Variants in NOP58 observed in about 807,000 individuals in gnomAD.
NOP58 encodes NOP58 ribonucleoprotein.
A neutral mutation model predicts 71.2 loss-of-function variants in NOP58; 44 were observed. That is an observed-to-expected ratio of 0.62 (90% CI 0.49 to 0.79). The LOEUF (loss-of-function observed/expected upper bound fraction) is 0.79, where lower values mean the gene tolerates loss of function less well. Among genes scored for constraint, NOP58 ranks in the 30% least tolerant of loss-of-function variants. NOP58 has a pLI of 0.00. For synonymous variants in NOP58, 228 were observed against 200.3 expected, an observed-to-expected ratio of 1.14 and a Z score of -1.17; for missense variants, 538 against 620.2, an observed-to-expected ratio of 0.87 and a Z score of 1.41.
chr2:202,291,691 C>T (rs545342870), intron 8 of NOP58, among the ~76,000 whole-genome samples: 1 of 150,826 alleles, frequency 6.6e-6, no homozygotes, highest in Admixed American at 6.7e-5. Flanking sequence ...CCTGTAATCC[C>T]AGCTACTCGG....
chr2:202,280,326 G>T (rs374822051), intron 3 of NOP58, among the ~76,000 whole-genome samples: 2 of 151,654 alleles, frequency 1.3e-5, no homozygotes, highest in Non-Finnish European at 2.9e-5. Context: ...TCTCAAAAAA[G>T]ATTTTTTTTT....
intron 10 of NOP58, among the ~76,000 whole-genome samples, 173 bp from the exon 11 acceptor site, chr2:202,297,206 A>G (rs1689008211): frequency 6.6e-6 from 1 of 152,204 alleles, no homozygotes; most frequent in East Asian, 1.9e-4. Flanking sequence ...TTTCAGCCAC[A>G]GAAGTGTTGG....
rs777956207 is a variant in NOP58, at chr2:202,265,992, T to C, written c.45+6T>C. 6.2e-7 allele frequency: 1 copy of C among 1,609,344 alleles called. No individual in the cohort carries two copies. Among genetic ancestry groups the C allele is most frequent in the African/African-American group, 1.3e-5 (1 of 74,592 alleles). On this transcript the variant is annotated splice_donor_region_variant and intron_variant, in intron 1 of 14. Coordinates refer to ENST00000264279, the MANE Select transcript of NOP58 (RefSeq NM_015934.5). ...TGGGTTACGCCATCTTTAAGGTAGG[T>C]GGGAGAGCGAGCCGTTAAAGGGGGA... is the stretch of plus-strand genomic sequence containing the variant.
chr2:202,296,081 A>G (rs764237445), intron 10 of NOP58, among the ~76,000 whole-genome samples: 13 of 152,016 alleles, frequency 8.6e-5, no homozygotes, highest in Non-Finnish European at 1.5e-4. Context: ...CCCCCCTAGA[A>G]TCTCCCTGTG....
intron 5 of NOP58, among the ~76,000 whole-genome samples, chr2:202,286,367 T>C (rs1362864103): frequency 7.4e-6 from 1 of 134,586 alleles, no homozygotes; most frequent in African/African-American, 2.8e-5. Context: ...TAGCCAGGCA[T>C]GGTGGCGGGC....
chr2:202,302,633 A>G (rs575620596), intron 13 of NOP58, among the ~76,000 whole-genome samples: 2 of 152,326 alleles, frequency 1.3e-5, no homozygotes, highest in Admixed American at 6.5e-5. Flanking sequence ...CATTTCTAAT[A>G]TAATTGACTT....
chr2:202,275,554 C>A (rs751283578), intron 2 of NOP58: 1 of 164,042 alleles, frequency 6.1e-6, no homozygotes, highest in Non-Finnish European at 1.3e-5. Flanking sequence ...TTACCGCACA[C>A]AGGGGTTGTA....
At chr2:202,298,242 T>G (rs1312480397) in intron 12 of NOP58, among the ~76,000 whole-genome samples, 1 of 152,234 alleles carries the variant, frequency 6.6e-6, no homozygotes, top group Non-Finnish European at 1.5e-5. Context: ...GCCATTTAGT[T>G]TTCCGCATTA....
chr2:202,281,316 T>C (rs1688699588), intron 3 of NOP58, among the ~76,000 whole-genome samples: 1 of 151,776 alleles, frequency 6.6e-6, no homozygotes, highest in Non-Finnish European at 1.5e-5. Context: ...TAGTAGAGTG[T>C]TTCGTCATGT....
intron 9 of NOP58, among the ~76,000 whole-genome samples, chr2:202,295,468 G>T (rs1688973882): frequency 1.3e-5 from 2 of 152,106 alleles, no homozygotes; most frequent in Non-Finnish European, 2.9e-5. Flanking sequence ...TTTGTCCTAG[G>T]CATTCATTGC....
At chr2:202,295,643 G>A (rs764005837) in intron 9 of NOP58, 31 bp from the exon 10 acceptor site, 2 of 1,510,438 alleles carry the variant, frequency 1.3e-6, no homozygotes, top group Non-Finnish European at 1.8e-6. Context: ...ATATTTGGAG[G>A]TGCATTCTTT....
chr2:202,283,009 C>T (rs767925806), intron 4 of NOP58, among the ~76,000 whole-genome samples: 35 of 152,076 alleles, frequency 2.3e-4, no homozygotes, highest in Admixed American at 3.9e-4. Flanking sequence ...GTCAGCAGAT[C>T]GAGACCATCC....
At chr2:202,302,878 A>C in intron 13 of NOP58, 43 bp from the exon 14 acceptor site, 1 of 1,576,906 alleles carries the variant, frequency 6.3e-7, no homozygotes, top group South Asian at 1.2e-5. Context: ...ATGAGATCTG[A>C]TACAGTGTTA....
intron 8 of NOP58, among the ~76,000 whole-genome samples, chr2:202,291,721 C>T (rs1246024631): frequency 6.2e-5 from 9 of 144,666 alleles, no homozygotes; most frequent in African/African-American, 2.0e-4. Flanking sequence ...ACAGGAGAAT[C>T]GCTTGAACCA....
At chr2:202,272,149 ATTTTT>A (rs570916461) in intron 1 of NOP58, among the ~76,000 whole-genome samples, 1 of 111,160 alleles carries the variant, frequency 9.0e-6, no homozygotes, top group Admixed American at 1.2e-4. Context: ...CTGATGTATA[ATTTTT>A]TTTTTTTTTT....
At chr2:202,289,113 C>CT (rs1688843088) in intron 6 of NOP58, among the ~76,000 whole-genome samples, 1 of 151,842 alleles carries the variant, frequency 6.6e-6, no homozygotes, top group East Asian at 1.9e-4. Flanking sequence ...GAGTTAGACT[C>CT]TGTCTCCAAA....
At chr2:202,302,900 C>G in intron 13 of NOP58, 21 bp from the exon 14 acceptor site, 6 of 1,596,422 alleles carry the variant, frequency 3.8e-6, no homozygotes, top group East Asian at 2.2e-5. Context: ...TTTGTTGTGC[C>G]TTTACACTTA....
At position 202,303,514 on chromosome 2, in the gene NOP58, C is replaced by T. The variant is rs749529402; in HGVS notation, c.*78C>T. On this transcript the variant is annotated 3_prime_UTR_variant, in exon 15 of 15. Transcript: ENST00000264279. ...ACTGGGAGCATACCAGGGATGCTCT[C>T]TAACGTAATCAAGGGAAGGTTCAGT... 107 of 1,510,074 alleles carry T rather than the reference C, an allele frequency of 7.1e-5. No homozygotes were observed. The Admixed American group carries it at 2.4e-3, about 34-fold the overall frequency. 93.5% of individuals were successfully genotyped at this position (1,510,074 alleles called of 1,614,324 possible).
intron 10 of NOP58, 152 bp from the exon 11 acceptor site, chr2:202,297,227 T>C: frequency 1.6e-6 from 1 of 617,516 alleles, no homozygotes; most frequent in Non-Finnish European, 2.7e-6. Flanking sequence ...TGGTGATATA[T>C]GGCCATTAGA....
Sources: gnomAD v4.1 joint callset for allele counts (sites outside exome capture counted in the v4.1 genomes callset) on GRCh38, gnomAD v4.1.1 for gene constraint, MANE v1.5 for transcripts, NCBI Gene and HGNC (gene_info 2026-07-23, HGNC 2026-07-21) for gene names.